The following SERINC5 variants were observed in gnomAD, a reference collection of about 807,000 sequenced individuals.
The protein encoded by SERINC5 is chromosome 5 open reading frame 12.
In SERINC5, 41 loss-of-function variants were observed where a neutral mutation model predicts 63.1. The observed-to-expected ratio is 0.65, with a 90% CI of 0.51 to 0.84. The LOEUF (loss-of-function observed/expected upper bound fraction) is 0.84. Ranked by LOEUF, SERINC5 falls within the 40% of genes least tolerant of loss-of-function variation. The pLI is 0.00. For synonymous variants in SERINC5, 222 were observed against 215.2 expected (o/e 1.03, Z -0.28); for missense variants, 523 against 573.0 (o/e 0.91, Z 0.89).
Position 80,178,072 on chromosome 5 carries a change from G to A in SERINC5, c.196-8C>T. The A allele has an allele frequency of 6.3e-7, 1 of 1,581,058 alleles. No homozygotes were observed. Among genetic ancestry groups the A allele is most frequent in the South Asian group, 1.2e-5 (1 of 85,286 alleles). On this transcript the variant is annotated splice_polypyrimidine_tract_variant and splice_region_variant and intron_variant, in intron 2 of 11. Coordinates refer to ENST00000507668, the MANE Select transcript of SERINC5 (RefSeq NM_001174072.3). ...ATCTTCAAAAAAAGGAATCTGAGGAGAAAGTTTAGAAAAGTCATCTGTTAC... is the reference window on the plus strand; with the variant it reads ...ATCTTCAAAAAAAGGAATCTGAGGAAAAAGTTTAGAAAAGTCATCTGTTAC...
intron 1 of SERINC5, chr5:80,203,263 T>TATAA (rs889687864): frequency 4.4e-6 from 1 of 229,736 alleles, no homozygotes; most frequent in Non-Finnish European, 8.5e-6. Flanking sequence ...TACACATATA[T>TATAA]ATATATATGT....
intron 8 of SERINC5, among the ~76,000 whole-genome samples, chr5:80,153,500 C>T (rs973967644): frequency 4.1e-4 from 62 of 151,882 alleles, no homozygotes; most frequent in Admixed American, 3.2e-3. Flanking sequence ...CTCTTAAAGC[C>T]TAGGAAATTC....
intron 1 of SERINC5, among the ~76,000 whole-genome samples, chr5:80,238,864 A>G (rs1751827858): frequency 6.6e-6 from 1 of 151,862 alleles, no homozygotes; most frequent in African/African-American, 2.4e-5. Flanking sequence ...ATCCATAGCT[A>G]TGAGCTCTTT....
intron 1 of SERINC5, among the ~76,000 whole-genome samples, chr5:80,251,257 C>A (rs1407179533): frequency 6.7e-6 from 1 of 150,314 alleles, no homozygotes; most frequent in Non-Finnish European, 1.5e-5. Context: ...CCAGCCTGGG[C>A]AAGAGCTAGA....
At chr5:80,163,880 C>T (rs1013463079) in intron 7 of SERINC5, among the ~76,000 whole-genome samples, 2 of 151,970 alleles carry the variant, frequency 1.3e-5, no homozygotes, top group African/African-American at 4.8e-5. Context: ...TATATCTGGC[C>T]TTGTATAATG....
rs566981596 is a variant in SERINC5, at chr5:80,155,568, G to A, written c.986+3268C>T. Among the ~76,000 whole-genome samples the A allele has an allele frequency of 6.9e-4, 45 of 65,074 alleles. 1 individual carries two copies. In the South Asian group the frequency reaches 0.027, roughly 39 times the overall value. The allele number at this position is 65,074 out of a possible 152,430, so 42.7% of individuals were successfully genotyped here. On this transcript the variant is annotated intron_variant, in intron 8 of 11. Transcript: ENST00000507668. ...AGCCTGGGTGAAAGAGCAAAACTCCGTCTCAAAAAAAAAAAGGAAGAAAGA... is the reference window on the plus strand; with the variant it reads ...AGCCTGGGTGAAAGAGCAAAACTCCATCTCAAAAAAAAAAAGGAAGAAAGA...
intron 1 of SERINC5, among the ~76,000 whole-genome samples, chr5:80,235,728 C>G (rs1159183361): frequency 1.3e-5 from 2 of 152,170 alleles, no homozygotes; most frequent in African/African-American, 4.8e-5. Context: ...TCCCAAGTAG[C>G]TGGGATTACA....
Position 80,116,595 on chromosome 5 carries a change from G to A in SERINC5, c.1239-2970C>T, listed in dbSNP as rs546095224. Reference sequence around the variant, plus strand: ...AGAAGCTCAGTAACTGAGCTCAGACGCTAGTGGCATACCTACCAAGAGGAT... The same window carrying A: ...AGAAGCTCAGTAACTGAGCTCAGACACTAGTGGCATACCTACCAAGAGGAT... On this transcript the variant is annotated intron_variant, in intron 11 of 12. Transcript: ENST00000509193. Among the ~76,000 whole-genome samples, 14 of 152,164 alleles carry A rather than the reference G, an allele frequency of 9.2e-5. 1 individual carries two copies. The South Asian group carries it at 1.5e-3, about 16-fold the overall frequency.
chr5:80,152,774 A>G (rs113348481), intron 8 of SERINC5, among the ~76,000 whole-genome samples: 4 of 150,038 alleles, frequency 2.7e-5, no homozygotes, highest in Non-Finnish European at 4.5e-5. Context: ...AACCCCATCT[A>G]TAGTAAAAAT....
rs1461202439 is a variant in SERINC5, at chr5:80,139,745, C to T, written c.*3918G>A. On this transcript the variant is annotated 3_prime_UTR_variant, in exon 12 of 12. Coordinates refer to ENST00000507668, the MANE Select transcript of SERINC5 (RefSeq NM_001174072.3). The stretch of plus-strand genomic sequence containing the variant: ...ACAGGAAATAGCCTTCAGTAAATTC[C>T]ACAAGCCAAGTGGCTACTGCATTGT... 17 of 985,278 alleles carry T rather than the reference C, an allele frequency of 1.7e-5. No individual in the cohort carries two copies. Among genetic ancestry groups the T allele is most frequent in the Non-Finnish European group, 2.0e-5 (17 of 829,948 alleles). 61.0% of individuals were successfully genotyped at this position (985,278 alleles called of 1,614,324 possible).
At chr5:80,246,772 C>G (rs1752189270) in intron 1 of SERINC5, among the ~76,000 whole-genome samples, 1 of 152,188 alleles carries the variant, frequency 6.6e-6, no homozygotes, top group Admixed American at 6.5e-5. Context: ...AGATTAAGTT[C>G]TAAAATGTTT....
intron 2 of SERINC5, among the ~76,000 whole-genome samples, chr5:80,188,022 C>T (rs1294721028): frequency 1.3e-5 from 2 of 152,184 alleles, no homozygotes; most frequent in Admixed American, 1.3e-4. Flanking sequence ...CGGTGGCTCA[C>T]GCCCATAATC....
At chr5:80,182,544 GC>G (rs766981697) in intron 2 of SERINC5, among the ~76,000 whole-genome samples, 962 of 29,402 alleles carry the variant, frequency 0.033, 38 homozygotes, top group South Asian at 0.18. Context: ...TCATCTGACC[GC>G]CCCCCCCCCC....
intron 1 of SERINC5, among the ~76,000 whole-genome samples, chr5:80,249,759 G>A (rs191299410): frequency 0.015 from 2,261 of 151,674 alleles, 62 homozygotes; most frequent in African/African-American, 0.052. Flanking sequence ...CCAAGATCAC[G>A]CCATTGCACT....
intron 2 of SERINC5, among the ~76,000 whole-genome samples, chr5:80,202,160 C>T (rs111934663): frequency 0.011 from 1,636 of 152,068 alleles, 12 homozygotes; most frequent in Non-Finnish European, 0.018. Flanking sequence ...ATCGCTTGAA[C>T]CTGGGAGGTG....
At position 80,141,624 on chromosome 5, in the gene SERINC5, G is replaced by T. The variant is rs1228817212; in HGVS notation, c.*2039C>A. On this transcript the variant is annotated 3_prime_UTR_variant, in exon 12 of 12. Transcript: ENST00000507668. ...GTGTTTCCTAAAGACAACCCCCAAG[G>T]CCCTAGGCCACTGCAACACAGCTAC... 1.0e-6 allele frequency: 1 copy of T among 985,308 alleles called. No individual in the cohort carries two copies. Among genetic ancestry groups the T allele is most frequent in the Non-Finnish European group, 1.2e-6 (1 of 830,014 alleles). 61.0% of individuals were successfully genotyped at this position (985,308 alleles called of 1,614,324 possible). A position where few individuals can be genotyped will look rare whatever the true frequency, so the allele number is the denominator to read the frequency against.
chr5:80,164,912 T>G (rs1747178105), intron 7 of SERINC5, among the ~76,000 whole-genome samples: 4 of 45,502 alleles, frequency 8.8e-5, no homozygotes, highest in African/African-American at 1.4e-4. Flanking sequence ...TTTTTTCTGT[T>G]TTTTTTTTTT....
In SERINC5 at chr5:80,241,073, A is replaced by G. The variant is rs929047034; in HGVS notation, c.27+14823T>C. On this transcript the variant is annotated intron_variant, in intron 1 of 11. Transcript: ENST00000507668. ...GATTAAATCAGTATCTAGTAAATTGATCTGCCTACCTAGCGATTGGTTTCC... is the reference window on the plus strand; with the variant it reads ...GATTAAATCAGTATCTAGTAAATTGGTCTGCCTACCTAGCGATTGGTTTCC... Among the ~76,000 whole-genome samples the G allele has an allele frequency of 2.0e-5, 3 of 152,170 alleles. No homozygotes were observed. In the East Asian group the frequency reaches 5.8e-4, roughly 29 times the overall value.
chr5:80,116,759 A>G (rs964461931), intron 11 of SERINC5, among the ~76,000 whole-genome samples: 58 of 151,750 alleles, frequency 3.8e-4, no homozygotes, highest in Non-Finnish European at 1.0e-4. Context: ...TAGACGACTC[A>G]GGTTCATAGA....
Sources: gnomAD v4.1 joint callset for allele counts (sites outside exome capture counted in the v4.1 genomes callset) on GRCh38, gnomAD v4.1.1 for gene constraint, MANE v1.5 for transcripts, NCBI Gene and HGNC (gene_info 2026-07-23, HGNC 2026-07-21) for gene names.